DGLUCY: variants seen among roughly 807,000 people sequenced by gnomAD.
DGLUCY encodes the protein D-glutamate cyclase, also known as D-glutamate cyclase, mitochondrial.
A neutral mutation model predicts 58.5 loss-of-function variants in DGLUCY; 58 were observed. That is an observed-to-expected ratio of 0.99 (90% CI 0.80 to 1.23). The LOEUF (loss-of-function observed/expected upper bound fraction) is 1.23, where lower values mean the gene tolerates loss of function less well. DGLUCY is among the 50% of genes most tolerant of loss of function. DGLUCY has a pLI of 0.00. For synonymous variants in DGLUCY, 325 were observed against 314.1 expected (o/e 1.03, Z -0.37); for missense variants, 779 against 784.7 (o/e 0.99, Z 0.09).
intron 3 of DGLUCY, 147 bp from the exon 4 acceptor site, chr14:91,167,078 G>T: frequency 2.0e-6 from 2 of 999,816 alleles, no homozygotes; most frequent in Non-Finnish European, 2.8e-6. Flanking sequence ...GGCGGAGGTT[G>T]CAGTGAGCCA....
chr14:91,163,150 C>T (rs1011591873), intron 3 of DGLUCY, among the ~76,000 whole-genome samples: 2 of 151,938 alleles, frequency 1.3e-5, no homozygotes, highest in African/African-American at 4.8e-5. Flanking sequence ...ATCCCAGCTA[C>T]TCGGGAGGCT....
chr14:91,172,642 T>C (rs1011299176), intron 5 of DGLUCY, among the ~76,000 whole-genome samples: 1 of 152,040 alleles, frequency 6.6e-6, no homozygotes, highest in Non-Finnish European at 1.5e-5. Context: ...TTGTCTCACA[T>C]TTTTCCTTTT....
intron 13 of DGLUCY, 44 bp downstream of exon 13, chr14:91,215,600 C>G (rs1886395880): frequency 1.9e-6 from 3 of 1,611,822 alleles, no homozygotes; most frequent in Non-Finnish European, 2.5e-6. Flanking sequence ...CAGCTTTTAC[C>G]CTGGATGAGC....
chr14:91,061,791 G>A (rs1323085822), intron 1 of DGLUCY, among the ~76,000 whole-genome samples: 1 of 152,206 alleles, frequency 6.6e-6, no homozygotes, highest in Non-Finnish European at 1.5e-5. Flanking sequence ...GGGAACTAGG[G>A]ATGCTGTGCT....
chr14:91,196,484 T>A lies in DGLUCY; in HGVS notation c.1295+10T>A. The A allele has an allele frequency of 6.2e-7, 1 of 1,611,486 alleles. No individual in the cohort carries two copies. Among genetic ancestry groups the A allele is most frequent in the Non-Finnish European group, 8.5e-7 (1 of 1,177,842 alleles). Reference sequence around the variant, plus strand: ...ACCCGCAGACACCTAGGTACGTATGTCGCATCCCAGTTTAAGTGGCGGATG... The same window carrying A: ...ACCCGCAGACACCTAGGTACGTATGACGCATCCCAGTTTAAGTGGCGGATG... On this transcript the variant is annotated intron_variant, in intron 10 of 13. Transcript: ENST00000256324.
intron 1 of DGLUCY, among the ~76,000 whole-genome samples, chr14:91,086,301 A>T (rs989832605): frequency 2.6e-5 from 4 of 152,150 alleles, no homozygotes; most frequent in African/African-American, 9.7e-5. Flanking sequence ...ATGCACTTCA[A>T]TTATCCCCAA....
At chr14:91,192,911 A>G (rs1239210057) in intron 9 of DGLUCY, among the ~76,000 whole-genome samples, 1 of 152,234 alleles carries the variant, frequency 6.6e-6, no homozygotes, top group Non-Finnish European at 1.5e-5. Context: ...AGGTGCGTCT[A>G]TTAGACACAC....
upstream of DGLUCY, among the ~76,000 whole-genome samples, chr14:91,103,211 C>T (rs555880099): frequency 4.6e-5 from 7 of 152,136 alleles, no homozygotes; most frequent in Non-Finnish European, 1.0e-4. Context: ...GCTTCATCCA[C>T]GCACTCCATG....
At chr14:91,175,667 A>T in intron 6 of DGLUCY, 1 of 357,056 alleles carries the variant, frequency 2.8e-6, no homozygotes, top group Non-Finnish European at 5.4e-6. Flanking sequence ...ACTAGGCTCA[A>T]TGCACCCAAG....
chr14:91,158,495 T>G (rs561467785), intron 2 of DGLUCY, among the ~76,000 whole-genome samples: 2 of 152,366 alleles, frequency 1.3e-5, no homozygotes, highest in South Asian at 4.1e-4. Context: ...AAATTCTTTG[T>G]TAAAATGGCC....
chr14:91,134,369 T>C (rs1402906487), intron 1 of DGLUCY, among the ~76,000 whole-genome samples: 1 of 152,230 alleles, frequency 6.6e-6, no homozygotes, highest in Non-Finnish European at 1.5e-5. Context: ...TCACATATTT[T>C]GTTAGATTTA....
intron 12 of DGLUCY, among the ~76,000 whole-genome samples, chr14:91,212,859 G>A (rs1010487485): frequency 1.3e-5 from 2 of 152,086 alleles, no homozygotes; most frequent in East Asian, 3.9e-4. Context: ...AAATTAGCTC[G>A]GCATGGTGGC....
rs78419609 is a variant in DGLUCY at position 91,077,152 on chromosome 14, G to A, written c.-82+16448G>A. 6.8e-3 allele frequency among the ~76,000 whole-genome samples: 1,034 copies of A among 151,676 alleles called. 7 individuals carry two copies. Among genetic ancestry groups the A allele is most frequent in the African/African-American group, 0.024 (981 of 41,354 alleles). On this transcript the variant is annotated intron_variant, in intron 1 of 4. Transcript: ENST00000521334. ...TCCCAGCTATTCAGGAGGCTGAGGTGTGAGGATCACTTGAGCCAAGGAGGT... is the reference window on the plus strand; with the variant it reads ...TCCCAGCTATTCAGGAGGCTGAGGTATGAGGATCACTTGAGCCAAGGAGGT...
At chr14:91,164,163 TG>T (rs1566976584) in intron 3 of DGLUCY, among the ~76,000 whole-genome samples, 1 of 152,134 alleles carries the variant, frequency 6.6e-6, no homozygotes, top group Non-Finnish European at 1.5e-5. Flanking sequence ...TTGGCCAGGC[TG>T]GTCTCGAACT....
intron 11 of DGLUCY, among the ~76,000 whole-genome samples, chr14:91,201,304 C>CT (rs35767480): frequency 0.63 from 92,719 of 146,986 alleles, 29,814 homozygotes; most frequent in East Asian, 0.86. Flanking sequence ...TGACAGGTAA[C>CT]TTTTTTTTTT....
At chr14:91,110,433 T>TC (rs55870824), upstream of DGLUCY, among the ~76,000 whole-genome samples, 11 of 125,314 alleles carry the variant, frequency 8.8e-5, no homozygotes, top group African/African-American at 2.4e-4. Context: ...TTTCTTTCTT[T>TC]TTTTTTTTTT....
chr14:91,159,253 C>T (rs2140340071), intron 2 of DGLUCY, among the ~76,000 whole-genome samples: 1 of 152,190 alleles, frequency 6.6e-6, no homozygotes, highest in Non-Finnish European at 1.5e-5. Flanking sequence ...TTGAGACCAG[C>T]CTGGTCAACA....
At chr14:91,088,042 G>T (rs1413767601) in intron 1 of DGLUCY, among the ~76,000 whole-genome samples, 1 of 152,152 alleles carries the variant, frequency 6.6e-6, no homozygotes, top group African/African-American at 2.4e-5. Context: ...AGTCTCCAAG[G>T]AGGAGGAGGA....
chr14:91,152,505 G>C (rs748160344), intron 1 of DGLUCY, among the ~76,000 whole-genome samples: 1 of 152,128 alleles, frequency 6.6e-6, no homozygotes, highest in South Asian at 2.1e-4. Flanking sequence ...ATGACTACCA[G>C]CATTTCCCCA....
Sources: allele counts gnomAD v4.1 joint callset (sites outside exome capture counted in the v4.1 genomes callset), GRCh38; gene constraint gnomAD v4.1.1; transcripts MANE v1.5; gene names NCBI Gene and HGNC (gene_info 2026-07-23, HGNC 2026-07-21).